DUSP29: variants seen among roughly 807,000 people sequenced by gnomAD.
DUSP29 encodes the protein atypical dual-specific protein phosphatase.
Under a neutral mutation model 13.5 loss-of-function variants are expected in DUSP29, and 12 were observed. That is an observed-to-expected ratio of 0.89 (90% CI 0.57 to 1.44). The LOEUF (loss-of-function observed/expected upper bound fraction) is 1.44, where lower values mean the gene tolerates loss of function less well. Ranked by LOEUF, DUSP29 falls within the 40% of genes most tolerant of loss-of-function variation. The pLI is 0.00. For missense variants in DUSP29, 308 were observed against 301.1 expected, an observed-to-expected ratio of 1.02 and a Z score of -0.17; for synonymous variants, 134 against 128.7, an observed-to-expected ratio of 1.04 and a Z score of -0.28.
chr10:75,053,782 C>T (rs1397489057), intron 2 of DUSP29, among the ~76,000 whole-genome samples: 1 of 151,894 alleles, frequency 6.6e-6, no homozygotes. Context: ...CTCTGAGCTT[C>T]AGTGTCTTCT....
At chr10:75,065,880 A>T (rs11001276) in intron 1 of DUSP29, among the ~76,000 whole-genome samples, 55,102 of 150,446 alleles carry the variant, frequency 0.37, 10,982 homozygotes, top group East Asian at 0.65. Flanking sequence ...ATTATCATTT[A>T]TTTTATTTTA....
At position 75,058,214 on chromosome 10, in the gene DUSP29, C is replaced by T. The variant is rs370261490; in HGVS notation, c.200+101G>A. The T allele has an allele frequency of 1.2e-5, 16 of 1,389,082 alleles. No homozygotes were observed. The South Asian group carries it at 1.3e-4, about 11-fold the overall frequency. 86.0% of individuals were successfully genotyped at this position (1,389,082 alleles called of 1,614,324 possible). The stretch of plus-strand genomic sequence containing the variant: ...CCTAACTAATTGAGTTCTCACAGAA[C>T]GACTACAAATTCCAAAGCCCATGGC... On this transcript the variant is annotated intron_variant, in intron 2 of 3. Transcript: ENST00000338487.
intron 1 of DUSP29, among the ~76,000 whole-genome samples, chr10:75,072,940 G>T (rs974838421): frequency 6.6e-6 from 1 of 151,680 alleles, no homozygotes; most frequent in African/African-American, 2.4e-5. Flanking sequence ...CTGCCCACAC[G>T]CGGTACAGCC....
At chr10:75,050,489 T>G (rs777076140) in intron 2 of DUSP29, among the ~76,000 whole-genome samples, 3 of 152,268 alleles carry the variant, frequency 2.0e-5, no homozygotes, top group Non-Finnish European at 4.4e-5. Context: ...AAAGCCTAAT[T>G]CATTTAATAG....
At chr10:75,052,669 C>G (rs1488138479) in intron 2 of DUSP29, among the ~76,000 whole-genome samples, 3 of 151,942 alleles carry the variant, frequency 2.0e-5, no homozygotes, top group African/African-American at 4.8e-5. Context: ...CCAGGCTGGT[C>G]TCGAACTTGT....
intron 1 of DUSP29, among the ~76,000 whole-genome samples, chr10:75,069,148 C>A (rs978666585): frequency 1.3e-5 from 2 of 152,130 alleles, no homozygotes; most frequent in African/African-American, 2.4e-5. Context: ...GGTTTCAAAG[C>A]GCTTGGGGTT....
intron 3 of DUSP29, among the ~76,000 whole-genome samples, chr10:75,038,599 C>G (rs1210811092): frequency 6.6e-6 from 1 of 151,958 alleles, no homozygotes; most frequent in Non-Finnish European, 1.5e-5. Context: ...GTAATTCTTT[C>G]TGTCATGACT....
chr10:75,049,994 C>G (rs866617858), intron 2 of DUSP29, among the ~76,000 whole-genome samples: 8 of 152,198 alleles, frequency 5.3e-5, no homozygotes, highest in South Asian at 2.1e-4. Flanking sequence ...ATAAGGAGCT[C>G]CTGAGGGCCC....
Position 75,058,531 on chromosome 10 carries a change from T to G in DUSP29, c.-17A>C. 6.2e-7 allele frequency: 1 copy of G among 1,613,320 alleles called. No individual in the cohort carries two copies. The highest frequency in any genetic ancestry group is 8.5e-7 in the Non-Finnish European group (1 of 1,179,920). On this transcript the variant is annotated 5_prime_UTR_variant, in exon 2 of 4. Coordinates refer to ENST00000338487, the MANE Select transcript of DUSP29 (RefSeq NM_001003892.3). Reference sequence around the variant, plus strand: ...AGATGTCATTTTAGAGCCAAGGGATTTTCTCTCCTTTCTGCAGCTGGTTAT... The same window carrying G: ...AGATGTCATTTTAGAGCCAAGGGATGTTCTCTCCTTTCTGCAGCTGGTTAT...
intron 1 of DUSP29, among the ~76,000 whole-genome samples, chr10:75,066,270 C>T (rs892170319): frequency 6.6e-6 from 1 of 152,076 alleles, no homozygotes; most frequent in Admixed American, 6.6e-5. Flanking sequence ...TTACTGAGAA[C>T]GGGGGTTCCC....
intron 2 of DUSP29, among the ~76,000 whole-genome samples, chr10:75,053,441 C>CT (rs1446825230): frequency 1.3e-5 from 2 of 152,216 alleles, no homozygotes; most frequent in Admixed American, 1.3e-4. Flanking sequence ...AGATACTACT[C>CT]TAGCATTTGT....
chr10:75,039,338 A>G (rs1382902536), intron 3 of DUSP29, among the ~76,000 whole-genome samples: 1 of 152,166 alleles, frequency 6.6e-6, no homozygotes, highest in Non-Finnish European at 1.5e-5. Context: ...AAGCCTGGCC[A>G]ACATGGCAAA....
chr10:75,054,644 T>C (rs1846916675), intron 2 of DUSP29, among the ~76,000 whole-genome samples: 1 of 152,218 alleles, frequency 6.6e-6, no homozygotes, highest in Non-Finnish European at 1.5e-5. Flanking sequence ...CTTTGGGATA[T>C]TGAAAGCAAT....
chr10:75,040,649 CTCT>C (rs1846561290), intron 3 of DUSP29, among the ~76,000 whole-genome samples: 1 of 152,208 alleles, frequency 6.6e-6, no homozygotes, highest in Non-Finnish European at 1.5e-5. Context: ...GGGCAGAGGA[CTCT>C]TCTGTGAGGC....
chr10:75,071,773 A>G (rs1471494752), intron 1 of DUSP29, among the ~76,000 whole-genome samples: 1 of 152,028 alleles, frequency 6.6e-6, no homozygotes, highest in Admixed American at 6.6e-5. Context: ...CTGCCTTCGC[A>G]CCCAAATGTT....
intron 1 of DUSP29, among the ~76,000 whole-genome samples, chr10:75,064,773 A>G (rs773057018): frequency 2.0e-5 from 3 of 151,986 alleles, no homozygotes; most frequent in Non-Finnish European, 4.4e-5. Flanking sequence ...ATTTTACTTT[A>G]TGCATAAAAA....
At chr10:75,058,776 T>C (rs1283061031) in intron 1 of DUSP29, among the ~76,000 whole-genome samples, 5 of 152,186 alleles carry the variant, frequency 3.3e-5, no homozygotes, top group Admixed American at 2.6e-4. Context: ...GAAGGAGAGC[T>C]GGGGTCCTTG....
Position 75,043,712 on chromosome 10 carries a change from G to A in DUSP29, c.421+85C>T, listed in dbSNP as rs1238046024. The A allele has an allele frequency of 4.0e-6, 5 of 1,244,070 alleles. 1 individual carries two copies. The African/African-American group carries it at 4.6e-5, about 11-fold the overall frequency. The allele number at this position is 1,244,070 out of a possible 1,614,324, so 77.1% of individuals were successfully genotyped here. ...AGGGGCGGAGCCTTAGTGGGGCGGG[G>A]AAGGGGCGGGGCCTAAGCTACGGGC... On this transcript the variant is annotated intron_variant, in intron 3 of 3. Transcript: ENST00000338487.
At chr10:75,038,155 T>G in intron 3 of DUSP29, 78 bp from the exon 4 acceptor site, 5 of 1,530,698 alleles carry the variant, frequency 3.3e-6, no homozygotes, top group Non-Finnish European at 4.4e-6. Context: ...ACTCCCATCC[T>G]GACTGTCACC....
Sources: allele counts gnomAD v4.1 joint callset (sites outside exome capture counted in the v4.1 genomes callset), GRCh38; gene constraint gnomAD v4.1.1; transcripts MANE v1.5; gene names NCBI Gene and HGNC (gene_info 2026-07-23, HGNC 2026-07-21).